The following AK3 variants were observed in gnomAD, a reference collection of about 807,000 sequenced individuals.
The protein encoded by AK3 is adenylate kinase 3.
Under a neutral mutation model 23.7 loss-of-function variants are expected in AK3, and 27 were observed. That is an observed-to-expected ratio of 1.14 (90% CI 0.84 to 1.57). The LOEUF (loss-of-function observed/expected upper bound fraction) is 1.57, where lower values mean the gene tolerates loss of function less well. Among genes scored for constraint, AK3 ranks in the 40% most tolerant of loss-of-function variants. The pLI, the probability that AK3 is intolerant of heterozygous loss-of-function variation, is 0.00. For synonymous variants in AK3, 159 were observed against 116.0 expected (o/e 1.37, Z -2.38); for missense variants, 406 against 285.6 (o/e 1.42, Z -3.04).
intron 4 of AK3, among the ~76,000 whole-genome samples, chr9:4,715,234 AAAG>A (rs1841692121): frequency 1.3e-5 from 2 of 149,884 alleles, no homozygotes; most frequent in Admixed American, 6.6e-5. Context: ...AAAAAAAAAA[AAAG>A]AAAGAAGGAA....
intron 1 of AK3, among the ~76,000 whole-genome samples, chr9:4,724,674 G>C (rs977342252): frequency 6.6e-6 from 1 of 152,094 alleles, no homozygotes; most frequent in African/African-American, 2.4e-5. Context: ...AGCTACTCAG[G>C]AGACTGAGGT....
chr9:4,728,986 T>TACCTACATATATATACAC (rs1554627047), intron 1 of AK3, among the ~76,000 whole-genome samples: 10 of 84,098 alleles, frequency 1.2e-4, no homozygotes, highest in Non-Finnish European at 5.9e-5. Flanking sequence ...TACATATATA[T>TACCTACATATATATACAC]ACACACACAC....
At chr9:4,727,190 C>T (rs532928378) in intron 1 of AK3, among the ~76,000 whole-genome samples, 182 of 152,298 alleles carry the variant, frequency 1.2e-3, no homozygotes, top group African/African-American at 4.2e-3. Flanking sequence ...TGAGCATTGG[C>T]TTCAACTTAA....
intron 1 of AK3, among the ~76,000 whole-genome samples, chr9:4,726,113 A>C (rs1790816534): frequency 6.6e-6 from 1 of 152,240 alleles, no homozygotes; most frequent in Admixed American, 6.5e-5. Flanking sequence ...TTGCTAAAAA[A>C]TGTTAATGAT....
At chr9:4,736,654 A>T (rs964314992) in intron 1 of AK3, among the ~76,000 whole-genome samples, 9 of 152,052 alleles carry the variant, frequency 5.9e-5, no homozygotes, top group Admixed American at 2.0e-4. Flanking sequence ...AATGAGATTC[A>T]TAAGGGTTGG....
upstream of AK3, among the ~76,000 whole-genome samples, chr9:4,741,504 G>A (rs1161349463): frequency 7.0e-6 from 1 of 142,184 alleles, no homozygotes; most frequent in Non-Finnish European, 1.5e-5. Context: ...ATCTACCTCC[G>A]CGCCTCTCCG....
intron 1 of AK3, among the ~76,000 whole-genome samples, chr9:4,732,941 G>C (rs1346728827): frequency 6.6e-6 from 1 of 151,416 alleles, no homozygotes; most frequent in Non-Finnish European, 1.5e-5. Flanking sequence ...AAACCCCTGG[G>C]CTCAAGCATC....
At chr9:4,737,340 G>A (rs1378365861) in intron 1 of AK3, among the ~76,000 whole-genome samples, 1 of 151,994 alleles carries the variant, frequency 6.6e-6, no homozygotes, top group Non-Finnish European at 1.5e-5. Flanking sequence ...TCTCAATGTG[G>A]GAAATACTGC....
chr9:4,717,148 G>A (rs1841758338), intron 4 of AK3, among the ~76,000 whole-genome samples: 1 of 152,168 alleles, frequency 6.6e-6, no homozygotes, highest in African/African-American at 2.4e-5. Flanking sequence ...AGAAGGTGAA[G>A]GTGAAGATGG....
chr9:4,716,141 T>A (rs1432672300), intron 4 of AK3, among the ~76,000 whole-genome samples: 1 of 152,170 alleles, frequency 6.6e-6, no homozygotes, highest in Non-Finnish European at 1.5e-5. Context: ...TATCTTTGAC[T>A]TTTCAGTTAC....
intron 1 of AK3, among the ~76,000 whole-genome samples, chr9:4,728,023 C>G (rs936329505): frequency 2.6e-5 from 4 of 152,138 alleles, no homozygotes; most frequent in African/African-American, 9.7e-5. Flanking sequence ...GGGTATAGTT[C>G]ATGGCACCCC....
rs80010622 is a variant in AK3, at chr9:4,716,016, C to G, written c.563+2403G>C. Among the ~76,000 whole-genome samples the G allele has an allele frequency of 1.7e-3, 255 of 152,188 alleles. 4 individuals carry two copies. The highest frequency in any genetic ancestry group is 5.9e-3 in the African/African-American group (245 of 41,536). ...GGCTGGTAGGAGGTAAACTGGAAAG[C>G]TGAGGGGCTGCTACACAGGGAGGGC... On this transcript the variant is annotated intron_variant, in intron 4 of 4. Transcript: ENST00000381809.
Position 4,740,972 on chromosome 9 carries a change from C to T in AK3, c.116G>A (p.Gly39Glu), listed in dbSNP as rs1403891920. Residue 39 changes from glycine (G) to glutamate (E), a missense_variant, in exon 1 of 5, where the codon GGG (glycine) becomes GAG (glutamate). Gly to Glu is a moderately conservative substitution (Grantham distance 98). Transcript: ENST00000381809. Reference sequence around the variant, plus strand: ...CAGCATGTTGTCCCGGAGCAGGTCCCCGCTGGAGAGGTGCTTCAGCTCGAA... The same window carrying T: ...CAGCATGTTGTCCCGGAGCAGGTCCTCGCTGGAGAGGTGCTTCAGCTCGAA... ...THFELKHLSSGDLLRDNMLRG... is the reference protein window; with the variant it reads ...THFELKHLSSEDLLRDNMLRG... The T allele has an allele frequency of 1.3e-6, 2 of 1,586,294 alleles. No individual in the cohort carries two copies. Among genetic ancestry groups the T allele is most frequent in the South Asian group, 1.1e-5 (1 of 87,656 alleles).
At chr9:4,736,953 C>T (rs28503502) in intron 1 of AK3, among the ~76,000 whole-genome samples, 28,526 of 152,126 alleles carry the variant, frequency 0.19, 3,213 homozygotes, top group East Asian at 0.44. Flanking sequence ...GTTGAGATTA[C>T]AGGCATAAGC....
intron 1 of AK3, among the ~76,000 whole-genome samples, chr9:4,730,371 G>C (rs1047128116): frequency 1.3e-5 from 2 of 151,476 alleles, no homozygotes; most frequent in African/African-American, 4.9e-5. Flanking sequence ...TTAAAAAATA[G>C]AACAGATGAA....
At chr9:4,736,425 T>G (rs1587660664) in intron 1 of AK3, among the ~76,000 whole-genome samples, 1 of 151,656 alleles carries the variant, frequency 6.6e-6, no homozygotes, top group African/African-American at 2.4e-5. Flanking sequence ...GAAATATCCT[T>G]TTATATTTTT....
In AK3 at chr9:4,712,963, C is replaced by A; in HGVS notation, c.*13G>T. 6.2e-7 allele frequency: 1 copy of A among 1,611,572 alleles called. No individual in the cohort carries two copies. The highest frequency in any genetic ancestry group is 8.5e-7 in the Non-Finnish European group (1 of 1,178,850). On this transcript the variant is annotated 3_prime_UTR_variant, in exon 5 of 5. Coordinates refer to ENST00000381809, the MANE Select transcript of AK3 (RefSeq NM_016282.4). ...TTGCCCATCTTACTATTAATAGTTA[C>A]ACACATTTCTCCTCATGGAGTAACT...
chr9:4,733,680 G>C (rs749187196), intron 1 of AK3, among the ~76,000 whole-genome samples: 3 of 152,094 alleles, frequency 2.0e-5, no homozygotes, highest in African/African-American at 4.8e-5. Context: ...CTCTGCTTCG[G>C]ATAAATTCTG....
intron 1 of AK3, among the ~76,000 whole-genome samples, chr9:4,729,839 A>G (rs1167560911): frequency 6.6e-6 from 1 of 151,834 alleles, no homozygotes; most frequent in African/African-American, 2.4e-5. Context: ...CTCTTAAAAA[A>G]AAAAAAAAAA....
Sources: allele counts gnomAD v4.1 joint callset (sites outside exome capture counted in the v4.1 genomes callset), GRCh38; gene constraint gnomAD v4.1.1; transcripts MANE v1.5; gene names NCBI Gene and HGNC (gene_info 2026-07-23, HGNC 2026-07-21).